TEC: variants seen among roughly 807,000 people sequenced by gnomAD.
TEC encodes the protein tec protein tyrosine kinase.
TEC carries 72 observed loss-of-function variants against 93.0 expected under a neutral mutation model. That is an observed-to-expected ratio of 0.77 (90% CI 0.64 to 0.94). The LOEUF is 0.94. TEC is among the 40% of genes least tolerant of loss of function. TEC has a pLI of 0.00. For missense variants in TEC, 630 were observed against 757.9 expected (o/e 0.83, Z 1.98); for synonymous variants, 249 against 247.7 (o/e 1.01, Z -0.05).
At chr4:48,223,155 G>T (rs1233964517) in intron 2 of TEC, among the ~76,000 whole-genome samples, 1 of 151,908 alleles carries the variant, frequency 6.6e-6, no homozygotes, top group Non-Finnish European at 1.5e-5. Flanking sequence ...ACAAAAAAAT[G>T]TTTAAACTAT....
At chr4:48,266,074 T>C (rs542302992) in intron 1 of TEC, among the ~76,000 whole-genome samples, 176 of 152,300 alleles carry the variant, frequency 1.2e-3, no homozygotes, top group African/African-American at 4.0e-3. Flanking sequence ...TGGAAGTCAA[T>C]AGAACAATGC....
intron 11 of TEC, among the ~76,000 whole-genome samples, chr4:48,147,807 A>G (rs988937294): frequency 1.3e-5 from 2 of 152,208 alleles, no homozygotes; most frequent in Non-Finnish European, 2.9e-5. Flanking sequence ...TTGTAACTCA[A>G]TAATAGGTAG....
At chr4:48,172,435 C>CT (rs71654897) in intron 3 of TEC, among the ~76,000 whole-genome samples, 55,043 of 146,612 alleles carry the variant, frequency 0.38, 11,086 homozygotes, top group East Asian at 0.9. Flanking sequence ...AAGGAATGTA[C>CT]TTTTTTTTTT....
intron 7 of TEC, among the ~76,000 whole-genome samples, chr4:48,164,907 GCACAAGAAT>G (rs2109538065): frequency 6.6e-6 from 1 of 152,086 alleles, no homozygotes; most frequent in African/African-American, 2.4e-5. Context: ...GGAGGCCGAG[GCACAAGAAT>G]CACTTGAACC....
chr4:48,226,364 C>T (rs1389033633), intron 2 of TEC, among the ~76,000 whole-genome samples: 1 of 143,012 alleles, frequency 7.0e-6, no homozygotes, highest in Non-Finnish European at 1.5e-5. Flanking sequence ...GTAAAAGTTA[C>T]ACTGAGTGTG....
rs536812693 is a variant in TEC, at chr4:48,140,639, G to A, written c.1535+716C>T. 3.3e-5 allele frequency among the ~76,000 whole-genome samples: 5 copies of A among 152,338 alleles called. No homozygotes were observed. The East Asian group carries it at 7.7e-4, about 23-fold the overall frequency. ...AGTCACAGGTAACACCTAAATGAAT[G>A]AGCGAGGCTGTGTCTCAATCACGCT... On this transcript the variant is annotated intron_variant, in intron 15 of 17. Transcript: ENST00000381501.
At chr4:48,222,143 A>G (rs552378905) in intron 2 of TEC, among the ~76,000 whole-genome samples, 1 of 152,318 alleles carries the variant, frequency 6.6e-6, no homozygotes, top group South Asian at 2.1e-4. Flanking sequence ...GATAAAATAG[A>G]TGGTGGCTGG....
At chr4:48,174,825 G>T (rs1721259492) in intron 3 of TEC, among the ~76,000 whole-genome samples, 1 of 152,160 alleles carries the variant, frequency 6.6e-6, no homozygotes, top group Non-Finnish European at 1.5e-5. Context: ...AGTAGTAAGA[G>T]AATAGCAATA....
At chr4:48,204,824 C>T (rs1350085523) in intron 2 of TEC, among the ~76,000 whole-genome samples, 1 of 152,204 alleles carries the variant, frequency 6.6e-6, no homozygotes, top group African/African-American at 2.4e-5. Flanking sequence ...TGCTTGCTCA[C>T]TGGCTGCTCA....
chr4:48,228,894 T>G (rs1170543133), intron 1 of TEC, among the ~76,000 whole-genome samples: 1 of 152,234 alleles, frequency 6.6e-6, no homozygotes, highest in African/African-American at 2.4e-5. Flanking sequence ...ATCAAGGTTC[T>G]TCATGATGAT....
intron 9 of TEC, 58 bp from the exon 10 acceptor site, chr4:48,151,000 G>T: frequency 9.1e-7 from 1 of 1,095,210 alleles, no homozygotes; most frequent in South Asian, 1.5e-5. Context: ...GCATTGCCAT[G>T]GAGAAGACTA....
At chr4:48,252,963 A>G (rs1040178232) in intron 1 of TEC, among the ~76,000 whole-genome samples, 5 of 152,208 alleles carry the variant, frequency 3.3e-5, no homozygotes, top group African/African-American at 1.2e-4. Flanking sequence ...GGGTTAAACA[A>G]CATCAAATTG....
intron 9 of TEC, among the ~76,000 whole-genome samples, chr4:48,151,690 T>C (rs1262389331): frequency 6.6e-6 from 1 of 152,224 alleles, no homozygotes. Context: ...TTTCACTACA[T>C]TGGCCAGCTT....
chr4:48,258,145 G>GTTTTT (rs56341256), intron 1 of TEC, among the ~76,000 whole-genome samples: 7 of 139,924 alleles, frequency 5.0e-5, no homozygotes, highest in Admixed American at 1.4e-4. Context: ...TGTTTTTTTG[G>GTTTTT]TTTTTTTTTT....
chr4:48,261,541 G>A (rs1481289319), intron 1 of TEC, among the ~76,000 whole-genome samples: 1 of 152,134 alleles, frequency 6.6e-6, no homozygotes, highest in Non-Finnish European at 1.5e-5. Flanking sequence ...GAGTATGTGA[G>A]GACATTAAGA....
rs372401440 is a variant in TEC at position 48,137,467 on chromosome 4, C to T, written c.1845G>A (p.Leu615=). The change falls in exon 18 of 18, where the codon CTG becomes CTA. Residue 615 remains leucine, a synonymous_variant. Transcript: ENST00000381501. Reference sequence around the variant, plus strand: ...CAACTAGTTCATCTATTGTGCGCAGCAGATCTTCGAAAGAAGGCCTTCCCT... The same window carrying T: ...CAACTAGTTCATCTATTGTGCGCAGTAGATCTTCGAAAGAAGGCCTTCCCT... ...KPEGRPSFED[L]LRTIDELVEC... 3 of 1,614,018 alleles carry T rather than the reference C, an allele frequency of 1.9e-6. No individual in the cohort carries two copies. Among genetic ancestry groups the T allele is most frequent in the Non-Finnish European group, 2.5e-6 (3 of 1,180,022 alleles).
intron 1 of TEC, among the ~76,000 whole-genome samples, chr4:48,249,419 G>C (rs1233729723): frequency 6.6e-6 from 1 of 152,178 alleles, no homozygotes; most frequent in Non-Finnish European, 1.5e-5. Flanking sequence ...GTGAAATTCA[G>C]TTTAAGATAC....
At chr4:48,182,535 CTGTG>C (rs60434609) in intron 2 of TEC, among the ~76,000 whole-genome samples, 15,938 of 147,208 alleles carry the variant, frequency 0.11, 1,071 homozygotes, top group African/African-American at 0.19. Flanking sequence ...GGGCAATACT[CTGTG>C]TGTGTGTGTG....
chr4:48,238,207 G>A (rs189326965), intron 1 of TEC, among the ~76,000 whole-genome samples: 20 of 152,216 alleles, frequency 1.3e-4, no homozygotes, highest in Non-Finnish European at 2.4e-4. Flanking sequence ...CAATGTTTTC[G>A]TGCTCAGAAG....
Sources: gnomAD v4.1 joint callset for allele counts (sites outside exome capture counted in the v4.1 genomes callset) on GRCh38, gnomAD v4.1.1 for gene constraint, MANE v1.5 for transcripts, NCBI Gene and HGNC (gene_info 2026-07-23, HGNC 2026-07-21) for gene names.